The following SETD3 variants were observed in gnomAD, a reference collection of about 807,000 sequenced individuals.
SETD3 encodes SET domain containing 3, actin N3(tau)-histidine methyltransferase.
Under a neutral mutation model 63.0 loss-of-function variants are expected in SETD3, and 19 were observed. The observed-to-expected ratio is 0.30, with a 90% CI of 0.21 to 0.44. The LOEUF (loss-of-function observed/expected upper bound fraction) is 0.44, where lower values mean the gene tolerates loss of function less well. Among genes scored for constraint, SETD3 ranks in the 20% least tolerant of loss-of-function variants. The pLI is 1.00. For synonymous variants in SETD3, 286 were observed against 264.1 expected, an observed-to-expected ratio of 1.08 and a Z score of -0.80; for missense variants, 587 against 728.5, an observed-to-expected ratio of 0.81 and a Z score of 2.24.
intron 4 of SETD3, among the ~76,000 whole-genome samples, chr14:99,459,496 G>A (rs1894951209): frequency 6.6e-6 from 1 of 152,126 alleles, no homozygotes; most frequent in African/African-American, 2.4e-5. Context: ...GAGCATAAAG[G>A]CGTTTACTGT....
chr14:99,409,233 T>G (rs777520279), intron 8 of SETD3, among the ~76,000 whole-genome samples: 3 of 152,148 alleles, frequency 2.0e-5, no homozygotes, highest in Non-Finnish European at 4.4e-5. Flanking sequence ...GCGAGGCACT[T>G]GGAAAATGGC....
At position 99,404,220 on chromosome 14, in the gene SETD3, C is replaced by T; in HGVS notation, c.1177+5G>A. On this transcript the variant is annotated splice_donor_5th_base_variant and intron_variant, in intron 11 of 12. Transcript: ENST00000331768. ...CAACATCTCTTTTTTCCTGAAATGA[C>T]TTACCTTCAGTCATACAGAATACTC... is the stretch of plus-strand genomic sequence containing the variant. 2 of 1,611,724 alleles carry T rather than the reference C, an allele frequency of 1.2e-6. No homozygotes were observed. The highest frequency in any genetic ancestry group is 1.7e-6 in the Non-Finnish European group (2 of 1,178,610).
Position 99,412,958 on chromosome 14 carries a change from T to C in SETD3, c.842A>G (p.Asn281Ser). The change falls in exon 8 of 13, where the codon AAC becomes AGC. Residue 281 changes from asparagine (N) to serine (S), a missense_variant. Physicochemically the swap from Asn to Ser is conservative, Grantham distance 46. Transcript: ENST00000331768. ...IPLWDMCNHT[N>S]GLITTGYNLE... The stretch of plus-strand genomic sequence containing the variant: ...AGGGGAAGAGGTCGTTACCAGGCCG[T>C]TGGTGTGGTTACACATATCCCATAA... 6.2e-7 allele frequency: 1 copy of C among 1,606,948 alleles called. No homozygotes were observed. The highest frequency in any genetic ancestry group is 2.2e-5 in the East Asian group (1 of 44,838).
rs1267247981 is a variant in SETD3 at position 99,405,283 on chromosome 14, T to C, written c.1013A>G (p.Lys338Arg). 1 of 1,614,240 alleles carries C rather than the reference T, an allele frequency of 6.2e-7. No homozygotes were observed. The highest frequency in any genetic ancestry group is 1.3e-5 in the African/African-American group (1 of 75,064). ...FFDNNSHDRV[K>R]IKLGVSKSDR... is the part of the protein sequence containing the mutation. The stretch of plus-strand genomic sequence containing the variant: ...ACTTTTACTCACTCCAAGCTTTATT[T>C]TCACTCTGTCGTGTGAGTTATTGTC... Residue 338 changes from lysine (K) to arginine (R), a missense_variant, in exon 10 of 13, where the codon AAA becomes AGA. By Grantham distance (26) the Lys-to-Arg change is conservative. Coordinates refer to ENST00000331768, the MANE Select transcript of SETD3 (RefSeq NM_032233.3).
At chr14:99,442,056 C>T (rs868044598) in intron 6 of SETD3, among the ~76,000 whole-genome samples, 12 of 152,198 alleles carry the variant, frequency 7.9e-5, no homozygotes, top group Non-Finnish European at 1.6e-4. Context: ...CAGACGCCCA[C>T]GGCATGAATT....
intron 6 of SETD3, among the ~76,000 whole-genome samples, chr14:99,421,411 T>G (rs780950628): frequency 1.3e-5 from 2 of 152,006 alleles, no homozygotes; most frequent in East Asian, 3.8e-4. Context: ...TCTAGTATGA[T>G]CAGTCATTTA....
chr14:99,399,190 C>A, intron 12 of SETD3, 65 bp from the exon 13 acceptor site: 2 of 1,461,134 alleles, frequency 1.4e-6, no homozygotes, highest in Non-Finnish European at 1.9e-6. Flanking sequence ...AGACAGAGGG[C>A]ACAACGGCTG....
chr14:99,467,568 G>A (rs1221049887), intron 1 of SETD3, among the ~76,000 whole-genome samples: 1 of 152,202 alleles, frequency 6.6e-6, no homozygotes, highest in Non-Finnish European at 1.5e-5. Context: ...CTGGTAATAA[G>A]GACGTTAATC....
At chr14:99,463,037 A>G (rs1289213799) in intron 3 of SETD3, among the ~76,000 whole-genome samples, 2 of 152,210 alleles carry the variant, frequency 1.3e-5, no homozygotes, top group African/African-American at 2.4e-5. Context: ...TACGTCCTGT[A>G]AAAACACAGC....
intron 1 of SETD3, among the ~76,000 whole-genome samples, chr14:99,475,503 C>T (rs1467588418): frequency 1.3e-5 from 2 of 152,248 alleles, no homozygotes; most frequent in Non-Finnish European, 1.5e-5. Flanking sequence ...GCTTTGTGAG[C>T]CCCTCCAGTA....
intron 11 of SETD3, among the ~76,000 whole-genome samples, chr14:99,402,385 C>T (rs933874195): frequency 6.6e-6 from 1 of 152,206 alleles, no homozygotes; most frequent in Non-Finnish European, 1.5e-5. Context: ...CAACCTCGGC[C>T]AAGTTACTTA....
upstream of SETD3, among the ~76,000 whole-genome samples, chr14:99,483,441 T>G (rs1404710667): frequency 6.6e-6 from 1 of 152,024 alleles, no homozygotes; most frequent in African/African-American, 2.4e-5. Flanking sequence ...TAGTAGCTAC[T>G]TGGGAGACTG....
chr14:99,461,444 G>C lies in SETD3; in HGVS notation c.197-104C>G, dbSNP rs1895056813. The C allele has an allele frequency of 3.6e-6, 4 of 1,124,634 alleles. No homozygotes were observed. The Admixed American group carries it at 6.6e-5, about 19-fold the overall frequency. The allele number at this position is 1,124,634 out of a possible 1,614,324, so 69.7% of individuals were successfully genotyped here. ...CAGGCCATAACTAACACTGGAAATA[G>C]TCTTAACACGCCAATCTTGAAATCA... On this transcript the variant is annotated intron_variant, in intron 3 of 12. Transcript: ENST00000331768.
At chr14:99,465,617 T>G in intron 2 of SETD3, 86 bp downstream of exon 2, 1 of 1,059,822 alleles carries the variant, frequency 9.4e-7, no homozygotes, top group Non-Finnish European at 1.4e-6. Flanking sequence ...CCAGCTTGTC[T>G]GATGCACGCG....
intron 8 of SETD3, chr14:99,410,341 T>A: frequency 7.7e-7 from 1 of 1,302,674 alleles, no homozygotes; most frequent in Non-Finnish European, 1.1e-6. Context: ...AAGACTCATC[T>A]AAATATAAAT....
intron 10 of SETD3, 114 bp downstream of exon 10, chr14:99,405,091 C>G: frequency 1.4e-6 from 2 of 1,404,642 alleles, no homozygotes; most frequent in Admixed American, 4.9e-5. Flanking sequence ...CGGGGATAAA[C>G]GGATTAAGAC....
chr14:99,449,691 A>C (rs993193533), intron 6 of SETD3, among the ~76,000 whole-genome samples: 5 of 152,266 alleles, frequency 3.3e-5, no homozygotes, highest in Non-Finnish European at 5.9e-5. Context: ...CATTAATGCC[A>C]GGACAACACT....
At chr14:99,435,477 G>T (rs536402579) in intron 6 of SETD3, among the ~76,000 whole-genome samples, 1 of 152,178 alleles carries the variant, frequency 6.6e-6, no homozygotes, top group Non-Finnish European at 1.5e-5. Context: ...AGCTGAAGCA[G>T]TGCCTTTAAC....
Position 99,406,669 on chromosome 14 carries a change from C to T in SETD3, c.850-79G>A, listed in dbSNP as rs987686978. On this transcript the variant is annotated intron_variant, in intron 8 of 12. Transcript: ENST00000331768. ...ACTTAATCTACAAGCTTGTTTCTGG[C>T]AATCAGAGGAAAAAGGGGATCCCAA... is the stretch of plus-strand genomic sequence containing the variant. 9.2e-6 allele frequency: 13 copies of T among 1,417,544 alleles called. No homozygotes were observed. The East Asian group carries it at 2.8e-4, about 30-fold the overall frequency. 87.8% of individuals were successfully genotyped at this position (1,417,544 alleles called of 1,614,324 possible).
Sources: gnomAD v4.1 joint callset for allele counts (sites outside exome capture counted in the v4.1 genomes callset) on GRCh38, gnomAD v4.1.1 for gene constraint, MANE v1.5 for transcripts, NCBI Gene and HGNC (gene_info 2026-07-23, HGNC 2026-07-21) for gene names.